SEPTIN5: variants seen among roughly 807,000 people sequenced by gnomAD.
The protein encoded by SEPTIN5 is septin 5.
A neutral mutation model predicts 51.2 loss-of-function variants in SEPTIN5; 16 were observed. The observed-to-expected ratio is 0.31, with a 90% CI of 0.21 to 0.47. The LOEUF (loss-of-function observed/expected upper bound fraction) is 0.47, where lower values mean the gene tolerates loss of function less well. Ranked by LOEUF, SEPTIN5 falls within the 20% of genes least tolerant of loss-of-function variation. The pLI is 0.99. For missense variants in SEPTIN5, 376 were observed against 500.3 expected, an observed-to-expected ratio of 0.75 and a Z score of 2.37; for synonymous variants, 208 against 191.2, an observed-to-expected ratio of 1.09 and a Z score of -0.72.
In SEPTIN5 at chr22:19,720,678, G is replaced by A. The variant is rs756894356; in HGVS notation, c.615+12G>A. 1.9e-5 allele frequency: 31 copies of A among 1,612,766 alleles called. No homozygotes were observed. Among genetic ancestry groups the A allele is most frequent in the African/African-American group, 6.7e-5 (5 of 74,934 alleles). ...AGCTGAAGGAGCGGGTGAGCCTGCCGTCGCACAGGGGCCTGGCCAGGGCCC... is the reference window on the plus strand; with the variant it reads ...AGCTGAAGGAGCGGGTGAGCCTGCCATCGCACAGGGGCCTGGCCAGGGCCC... On this transcript the variant is annotated intron_variant, in intron 7 of 11. Transcript: ENST00000455784.
intron 8 of SEPTIN5, among the ~76,000 whole-genome samples, chr22:19,721,121 T>C (rs994672065): frequency 1.3e-5 from 2 of 152,184 alleles, no homozygotes; most frequent in Non-Finnish European, 2.9e-5. Context: ...TATGGAGCAC[T>C]TGCCCAGATC....
Position 19,723,162 on chromosome 22 carries a change from C to G in SEPTIN5, c.*678C>G. ...CGTCCCCTGCCCTCGCTCGAGGCCT[C>G]TTCTCCCCAGCACCGCTGTGGTGTG... On this transcript the variant is annotated 3_prime_UTR_variant, in exon 12 of 12. Coordinates refer to ENST00000455784, the MANE Select transcript of SEPTIN5 (RefSeq NM_002688.6). The G allele has an allele frequency of 1.8e-6, 1 of 570,306 alleles. No homozygotes were observed. The highest frequency in any genetic ancestry group is 3.3e-6 in the Non-Finnish European group (1 of 300,976). 35.3% of individuals were successfully genotyped at this position (570,306 alleles called of 1,614,324 possible).
Position 19,714,887 on chromosome 22 carries a change from C to A in SEPTIN5, c.54+96C>A, listed in dbSNP as rs1021379874. ...GGGCGCCCAGGCGCGACCCCGCCCC[C>A]GCCGGCCCTCACCCAGCCCTGTCGC... is the stretch of plus-strand genomic sequence containing the variant. On this transcript the variant is annotated intron_variant, in intron 2 of 11. Coordinates refer to ENST00000455784, the MANE Select transcript of SEPTIN5 (RefSeq NM_002688.6). This position sits in a 1 kb window ranked among gnomAD's most constrained non-coding sequence, Gnocchi z 5.2. 9 of 1,433,468 alleles carry A rather than the reference C, an allele frequency of 6.3e-6. No individual in the cohort carries two copies. The highest frequency in any genetic ancestry group is 8.5e-6 in the Non-Finnish European group (9 of 1,064,762). The allele number at this position is 1,433,468 out of a possible 1,614,324, so 88.8% of individuals were successfully genotyped here. A position where few individuals can be genotyped will look rare whatever the true frequency, so the allele number is the denominator to read the frequency against.
At position 19,722,921 on chromosome 22, in the gene SEPTIN5, C is replaced by G. The variant is rs533103554; in HGVS notation, c.*437C>G. 6.7e-6 allele frequency: 3 copies of G among 445,752 alleles called. No homozygotes were observed. The highest frequency in any genetic ancestry group is 5.9e-5 in the African/African-American group (3 of 51,134). 27.6% of individuals were successfully genotyped at this position (445,752 alleles called of 1,614,324 possible). ...GGGTCACCCAGCGAGTGCTGAGACC[C>G]CATTTTCTGTCGAGGCGGGCCGAGT... On this transcript the variant is annotated 3_prime_UTR_variant, in exon 12 of 12. Transcript: ENST00000455784.
Position 19,719,615 on chromosome 22 carries a change from A to C in SEPTIN5, c.68A>C (p.Gln23Pro), listed in dbSNP as rs989555091. 1.9e-6 allele frequency: 3 copies of C among 1,612,498 alleles called. No individual in the cohort carries two copies. Among genetic ancestry groups the C allele is most frequent in the Non-Finnish European group, 2.5e-6 (3 of 1,179,574 alleles). The change falls in exon 3 of 12, where the codon CAG (glutamine) becomes CCG (proline). Residue 23 changes from glutamine (Q) to proline (P), a missense_variant. Coordinates refer to ENST00000455784, the MANE Select transcript of SEPTIN5 (RefSeq NM_002688.6). ...TPEDKQDIDK[Q>P]YVGFATLPNQ... ...TCCTGTCCCCAGGACATTGACAAGC[A>C]GTACGTGGGCTTCGCCACACTGCCC...
Position 19,720,141 on chromosome 22 carries a change from C to A in SEPTIN5, c.265C>A (p.Leu89Ile), listed in dbSNP as rs1387019746. The change falls in exon 5 of 12, where the codon CTA (leucine) becomes ATA (isoleucine). Residue 89 changes from leucine (L) to isoleucine (I), a missense_variant. Physicochemically the swap from Leu to Ile is conservative, Grantham distance 5 (BLOSUM62 2). Coordinates refer to ENST00000455784, the MANE Select transcript of SEPTIN5 (RefSeq NM_002688.6). ...GCGCATCAGCCAGACGGTAGAGATT[C>A]TAAAACACACGGTGGACATTGAGGA... Reference protein sequence around the residue: ...EERISQTVEILKHTVDIEEKG... With the variant: ...EERISQTVEIIKHTVDIEEKG... The A allele has an allele frequency of 6.2e-7, 1 of 1,613,308 alleles. No homozygotes were observed. The highest frequency in any genetic ancestry group is 1.7e-5 in the Admixed American group (1 of 60,030).
chr22:19,714,593 G>A lies in SEPTIN5; in HGVS notation c.5G>A (p.Ser2Asn). Residue 2 changes from serine (S) to asparagine (N), a missense_variant, in exon 1 of 12, where the codon AGC (serine) becomes AAC (asparagine). Transcript: ENST00000455784. This position sits in a 1 kb window ranked among gnomAD's most constrained non-coding sequence, Gnocchi z 5.2. M[S>N]TGLRYKSKLA... ...CGTCCCCCGCCGGCGGCCACCATGA[G>A]CACAGGCCTGCGGTACAAGAGCAAG... The A allele has an allele frequency of 2.0e-6, 3 of 1,473,496 alleles. No homozygotes were observed. Among genetic ancestry groups the A allele is most frequent in the Admixed American group, 2.3e-5 (1 of 43,364 alleles). The allele number at this position is 1,473,496 out of a possible 1,614,324, so 91.3% of individuals were successfully genotyped here.
Position 19,723,176 on chromosome 22 carries a change from C to A in SEPTIN5, c.*692C>A, listed in dbSNP as rs761667224. ...GCTCGAGGCCTCTTCTCCCCAGCACCGCTGTGGTGTGCCGGGATCCTGAGC... is the reference window on the plus strand; with the variant it reads ...GCTCGAGGCCTCTTCTCCCCAGCACAGCTGTGGTGTGCCGGGATCCTGAGC... On this transcript the variant is annotated 3_prime_UTR_variant, in exon 12 of 12. Coordinates refer to ENST00000455784, the MANE Select transcript of SEPTIN5 (RefSeq NM_002688.6). 3.4e-6 allele frequency: 2 copies of A among 580,196 alleles called. No individual in the cohort carries two copies. Among genetic ancestry groups the A allele is most frequent in the Non-Finnish European group, 6.5e-6 (2 of 307,184 alleles). The allele number at this position is 580,196 out of a possible 1,614,324, so 35.9% of individuals were successfully genotyped here.
intron 2 of SEPTIN5, 162 bp from the exon 3 acceptor site, chr22:19,719,440 C>CAA (rs1935979795): frequency 3.3e-6 from 2 of 608,786 alleles, no homozygotes; most frequent in African/African-American, 3.7e-5. Context: ...TTCTTATCTC[C>CAA]AGGCTTTTGC....
intron 2 of SEPTIN5, chr22:19,717,311 T>C: frequency 4.2e-6 from 2 of 470,752 alleles, no homozygotes; most frequent in Non-Finnish European, 8.8e-6. Context: ...CTGTTGGGAT[T>C]CTACTGGGGT....
intron 2 of SEPTIN5, chr22:19,717,367 A>C (rs558778820): frequency 2.6e-5 from 12 of 469,926 alleles, no homozygotes; most frequent in African/African-American, 2.4e-4. Context: ...AGACCCCCGC[A>C]GTCCCTGGAG....
At chr22:19,722,213 C>T in intron 10 of SEPTIN5, 24 bp from the exon 11 acceptor site, 1 of 1,469,082 alleles carries the variant, frequency 6.8e-7, no homozygotes, top group Non-Finnish European at 9.3e-7. Context: ...CCGCCCCGCC[C>T]ATCCTCCCCC....
At chr22:19,722,067 C>T (rs1601245190) in intron 10 of SEPTIN5, 110 bp downstream of exon 10, 7 of 1,376,318 alleles carry the variant, frequency 5.1e-6, no homozygotes, top group African/African-American at 1.4e-5. Flanking sequence ...GCACCATTCC[C>T]TAAGCCCCCC....
At chr22:19,716,789 G>T (rs558513190) in intron 2 of SEPTIN5, among the ~76,000 whole-genome samples, 2 of 152,206 alleles carry the variant, frequency 1.3e-5, no homozygotes, top group Non-Finnish European at 2.9e-5. Flanking sequence ...ACACCTCCTA[G>T]CCTGAGGCCT....
chr22:19,721,557 C>G, intron 8 of SEPTIN5, 83 bp from the exon 9 acceptor site: 1 of 1,448,024 alleles, frequency 6.9e-7, no homozygotes, highest in Non-Finnish European at 9.6e-7. Context: ...GGAGGGGTGC[C>G]CCGGGAGTTA....
rs1373957506 is a variant in SEPTIN5, at chr22:19,723,219, C to T, written c.*735C>T. 1 of 627,426 alleles carries T rather than the reference C, an allele frequency of 1.6e-6. No individual in the cohort carries two copies. Among genetic ancestry groups the T allele is most frequent in the South Asian group, 1.5e-5 (1 of 66,106 alleles). The allele number at this position is 627,426 out of a possible 1,614,324, so 38.9% of individuals were successfully genotyped here. A position where few individuals can be genotyped will look rare whatever the true frequency, so the allele number is the denominator to read the frequency against. ...TCCTGAGCCTAGGCCTCCCGATGTT[C>T]CCACCCGCATGATCCCTTCCCGCCA... is the stretch of plus-strand genomic sequence containing the variant. On this transcript the variant is annotated 3_prime_UTR_variant, in exon 12 of 12. Transcript: ENST00000455784.
At position 19,719,432 on chromosome 22, in the gene SEPTIN5, C is replaced by G. The variant is rs1935979397; in HGVS notation, c.55-170C>G. ...CTCCTGCCACCACCTCGCCTGCCTT[C>G]TTATCTCCAGGCTTTTGCCCACGGG... On this transcript the variant is annotated intron_variant, in intron 2 of 11. Coordinates refer to ENST00000455784, the MANE Select transcript of SEPTIN5 (RefSeq NM_002688.6). 4 of 597,662 alleles carry G rather than the reference C, an allele frequency of 6.7e-6. No individual in the cohort carries two copies. The South Asian group carries it at 8.4e-5, about 13-fold the overall frequency. 37.0% of individuals were successfully genotyped at this position (597,662 alleles called of 1,614,324 possible). A position where few individuals can be genotyped will look rare whatever the true frequency, so the allele number is the denominator to read the frequency against.
rs370324587 is a variant in SEPTIN5, at chr22:19,720,889, G to C, written c.717+20G>C. 1 of 1,601,720 alleles carries C rather than the reference G, an allele frequency of 6.2e-7. No homozygotes were observed. The highest frequency in any genetic ancestry group is 1.7e-5 in the Admixed American group (1 of 60,002). ...CTGAAGGTGAACATGCAGACTGGTG[G>C]GGCAGGGGGGATGGAGCTGGTGAGG... On this transcript the variant is annotated intron_variant, in intron 8 of 11. Coordinates refer to ENST00000455784, the MANE Select transcript of SEPTIN5 (RefSeq NM_002688.6).
Position 19,723,125 on chromosome 22 carries a change from A to T in SEPTIN5, c.*641A>T. ...ACTGGGCGGTGAGCCACCTCCTGGCAACTCTCGGTGCCGTCCCCTGCCCTC... is the reference window on the plus strand; with the variant it reads ...ACTGGGCGGTGAGCCACCTCCTGGCTACTCTCGGTGCCGTCCCCTGCCCTC... On this transcript the variant is annotated 3_prime_UTR_variant, in exon 12 of 12. Coordinates refer to ENST00000455784, the MANE Select transcript of SEPTIN5 (RefSeq NM_002688.6). The T allele has an allele frequency of 1.8e-6, 1 of 545,402 alleles. No homozygotes were observed. Among genetic ancestry groups the T allele is most frequent in the Non-Finnish European group, 3.5e-6 (1 of 284,534 alleles). 33.8% of individuals were successfully genotyped at this position (545,402 alleles called of 1,614,324 possible). A position where few individuals can be genotyped will look rare whatever the true frequency, so the allele number is the denominator to read the frequency against.
Sources: gnomAD v4.1 joint callset for allele counts (sites outside exome capture counted in the v4.1 genomes callset) on GRCh38, gnomAD v4.1.1 for gene constraint, Gnocchi (gnomAD v3.1) non-coding constraint, MANE v1.5 for transcripts, NCBI Gene and HGNC (gene_info 2026-07-23, HGNC 2026-07-21) for gene names.